Variants in OXR1 observed in about 807,000 individuals in gnomAD.
The protein encoded by OXR1 is oxidation resistance 1.
A neutral mutation model predicts 104.6 loss-of-function variants in OXR1; 41 were observed. That is an observed-to-expected ratio of 0.39 (90% CI 0.31 to 0.51). The LOEUF is 0.51. Ranked by LOEUF, OXR1 falls within the 20% of genes least tolerant of loss-of-function variation. The pLI is 0.77. For missense variants in OXR1, 955 were observed against 1,031.9 expected (o/e 0.93, Z 1.02); for synonymous variants, 348 against 348.4 (o/e 1.00, Z 0.01).
intron 2 of OXR1, among the ~76,000 whole-genome samples, chr8:106,403,686 C>CCTGTT (rs1470445047): frequency 6.6e-6 from 1 of 152,200 alleles, no homozygotes; most frequent in African/African-American, 2.4e-5. Context: ...TCACTGTTGA[C>CCTGTT]CACCTTTTGG....
At chr8:106,728,762 C>T (rs749015592) in intron 11 of OXR1, among the ~76,000 whole-genome samples, 3 of 152,028 alleles carry the variant, frequency 2.0e-5, no homozygotes, top group Non-Finnish European at 2.9e-5. Flanking sequence ...GTCAATAAGT[C>T]GTAATTTACT....
intron 3 of OXR1, chr8:106,581,344 T>A: frequency 1.5e-6 from 1 of 675,694 alleles, no homozygotes; most frequent in South Asian, 1.5e-5. Flanking sequence ...GGAGTCTTGC[T>A]ACTGGAATGT....
In OXR1 at chr8:106,508,111, T is replaced by A. The variant is rs987692329; in HGVS notation, c.24-10832T>A. 3.3e-5 allele frequency among the ~76,000 whole-genome samples: 5 copies of A among 152,210 alleles called. No homozygotes were observed. The East Asian group carries it at 9.7e-4, about 29-fold the overall frequency. On this transcript the variant is annotated intron_variant, in intron 2 of 16. Coordinates refer to ENST00000517566, the MANE Select transcript of OXR1 (RefSeq NM_001198533.2). ...GGTCCTTGCCCCCTGTGTCTATTTCTCAATTAGTTCAGGACTTACAGAAGG... is the reference window on the plus strand; with the variant it reads ...GGTCCTTGCCCCCTGTGTCTATTTCACAATTAGTTCAGGACTTACAGAAGG...
chr8:106,360,565 G>T (rs1188486526), intron 2 of OXR1, among the ~76,000 whole-genome samples: 1 of 151,778 alleles, frequency 6.6e-6, no homozygotes, highest in African/African-American at 2.4e-5. Context: ...TGTTTCTGAA[G>T]GACCCACTGT....
intron 2 of OXR1, among the ~76,000 whole-genome samples, chr8:106,441,219 G>A (rs1258330933): frequency 1.3e-5 from 2 of 152,000 alleles, no homozygotes; most frequent in African/African-American, 4.8e-5. Context: ...AAGATCAGAT[G>A]GTTGTAGATG....
At chr8:106,733,668 G>A (rs376934935) in intron 11 of OXR1, among the ~76,000 whole-genome samples, 1 of 151,466 alleles carries the variant, frequency 6.6e-6, no homozygotes, top group East Asian at 2.0e-4. Context: ...TTAGCCGTGC[G>A]TGGTGGCACA....
chr8:106,575,699 T>TAA, intron 3 of OXR1, among the ~76,000 whole-genome samples: 1 of 146,044 alleles, frequency 6.8e-6, no homozygotes, highest in East Asian at 2.0e-4. Flanking sequence ...AAGAATATAT[T>TAA]AAAAAAAAAA....
At chr8:106,668,445 CAT>C (rs1476084335) in intron 3 of OXR1, among the ~76,000 whole-genome samples, 1 of 152,190 alleles carries the variant, frequency 6.6e-6, no homozygotes, top group African/African-American at 2.4e-5. Flanking sequence ...CATGTGCCCA[CAT>C]GTGTCTATGT....
chr8:106,496,699 G>A (rs764734088), intron 2 of OXR1, among the ~76,000 whole-genome samples: 2 of 152,216 alleles, frequency 1.3e-5, no homozygotes, highest in East Asian at 1.9e-4. Flanking sequence ...TGGAAGCCAG[G>A]GAGCTAATGA....
chr8:106,340,723 C>T (rs1010452164), intron 1 of OXR1, among the ~76,000 whole-genome samples: 12 of 152,062 alleles, frequency 7.9e-5, no homozygotes, highest in African/African-American at 2.7e-4. Flanking sequence ...AGAACAGTGC[C>T]TCTCATATAT....
At chr8:106,695,567 G>A (rs1475093360) in intron 7 of OXR1, among the ~76,000 whole-genome samples, 1 of 151,818 alleles carries the variant, frequency 6.6e-6, no homozygotes, top group Non-Finnish European at 1.5e-5. Context: ...ACAGGCACAT[G>A]CCACCACGTC....
intron 11 of OXR1, among the ~76,000 whole-genome samples, chr8:106,718,513 G>A (rs1011065988): frequency 6.6e-6 from 1 of 152,132 alleles, no homozygotes; most frequent in Non-Finnish European, 1.5e-5. Flanking sequence ...TCCTCTTTTT[G>A]TAGTGTTACT....
At chr8:106,384,316 G>A (rs1817278138) in intron 2 of OXR1, among the ~76,000 whole-genome samples, 1 of 152,160 alleles carries the variant, frequency 6.6e-6, no homozygotes, top group African/African-American at 2.4e-5. Flanking sequence ...CCCATTCACA[G>A]ATAATGACAT....
chr8:106,432,251 G>T (rs1301747281), intron 2 of OXR1, among the ~76,000 whole-genome samples: 1 of 152,074 alleles, frequency 6.6e-6, no homozygotes, highest in African/African-American at 2.4e-5. Flanking sequence ...CCAGCAGCCA[G>T]ATTGATCCTT....
At chr8:106,438,218 A>G (rs188901827) in intron 2 of OXR1, among the ~76,000 whole-genome samples, 2 of 152,258 alleles carry the variant, frequency 1.3e-5, no homozygotes, top group Admixed American at 1.3e-4. Context: ...TTGTCAACCA[A>G]TTATATTCAA....
chr8:106,642,909 G>A (rs1823779340), intron 3 of OXR1, among the ~76,000 whole-genome samples: 1 of 152,182 alleles, frequency 6.6e-6, no homozygotes, highest in Non-Finnish European at 1.5e-5. Context: ...CTAATATGTG[G>A]CATTGTTGAT....
At chr8:106,427,439 T>A (rs951014910) in intron 2 of OXR1, among the ~76,000 whole-genome samples, 1 of 152,188 alleles carries the variant, frequency 6.6e-6, no homozygotes, top group African/African-American at 2.4e-5. Flanking sequence ...AGGGCTGGGA[T>A]TACAGGCATG....
chr8:106,376,271 C>A (rs777105936), intron 2 of OXR1, among the ~76,000 whole-genome samples: 2 of 152,134 alleles, frequency 1.3e-5, no homozygotes, highest in African/African-American at 2.4e-5. Flanking sequence ...TAACATCAAC[C>A]CTTTGGAGGA....
At chr8:106,377,001 T>A (rs1178365071) in intron 2 of OXR1, among the ~76,000 whole-genome samples, 1 of 152,194 alleles carries the variant, frequency 6.6e-6, no homozygotes, top group Admixed American at 6.5e-5. Flanking sequence ...ATGTCTAATG[T>A]AACATTTTCC....
Sources: allele counts gnomAD v4.1 joint callset (sites outside exome capture counted in the v4.1 genomes callset), GRCh38; gene constraint gnomAD v4.1.1; transcripts MANE v1.5; gene names NCBI Gene and HGNC (gene_info 2026-07-23, HGNC 2026-07-21).